SLC19A1: variants seen among roughly 807,000 people sequenced by gnomAD.
SLC19A1 encodes the protein solute carrier family 19 member 1.
A neutral mutation model predicts 35.3 loss-of-function variants in SLC19A1; 37 were observed. The ratio of observed to expected loss-of-function variants is 1.05; its 90% CI spans 0.81 to 1.38. The LOEUF (loss-of-function observed/expected upper bound fraction) is 1.38, where lower values mean the gene tolerates loss of function less well. Ranked by LOEUF, SLC19A1 falls within the 40% of genes most tolerant of loss-of-function variation. The probability of loss-of-function intolerance (pLI) is 0.00; values close to 1 mark genes in which losing one functional copy is unlikely to be tolerated. For synonymous variants in SLC19A1, 460 were observed against 398.5 expected, an observed-to-expected ratio of 1.15 and a Z score of -1.84; for missense variants, 831 against 826.9, an observed-to-expected ratio of 1.00 and a Z score of -0.06.
chr21:45,541,525 G>C (rs2078303120), intron 1 of SLC19A1, among the ~76,000 whole-genome samples: 1 of 152,272 alleles, frequency 6.6e-6, no homozygotes, highest in African/African-American at 2.4e-5. Context: ...AGGCAGGCCA[G>C]ACTCCCCAGG....
At chr21:45,520,019 A>G (rs2077391434) in intron 5 of SLC19A1, among the ~76,000 whole-genome samples, 1 of 152,212 alleles carries the variant, frequency 6.6e-6, no homozygotes. Context: ...TTCCAATCAC[A>G]ACAGAATCAA....
chr21:45,560,654 G>C (rs1461372450), intron 1 of SLC19A1, among the ~76,000 whole-genome samples: 4 of 152,272 alleles, frequency 2.6e-5, no homozygotes, highest in Non-Finnish European at 4.4e-5. Context: ...GCGGAGGTTG[G>C]AGTTGGGAAT....
chr21:45,507,761 CTG>C (rs2037310646), downstream of SLC19A1, among the ~76,000 whole-genome samples: 2 of 152,344 alleles, frequency 1.3e-5, no homozygotes, highest in South Asian at 4.1e-4. Flanking sequence ...CCCACTACCT[CTG>C]TCTCAGCGCT....
chr21:45,535,118 C>T (rs1057024781), intron 2 of SLC19A1, among the ~76,000 whole-genome samples: 7 of 152,120 alleles, frequency 4.6e-5, no homozygotes, highest in Non-Finnish European at 8.8e-5. Flanking sequence ...TGGCTGGGGA[C>T]GGGGCATGGG....
intron 5 of SLC19A1, among the ~76,000 whole-genome samples, chr21:45,518,816 AGAG>A (rs2077351514): frequency 6.6e-6 from 1 of 152,218 alleles, no homozygotes; most frequent in Admixed American, 6.5e-5. Flanking sequence ...AGAAAAACTA[AGAG>A]AAGAAATTTG....
intron 1 of SLC19A1, among the ~76,000 whole-genome samples, chr21:45,560,131 C>A (rs1345663280): frequency 6.6e-6 from 1 of 152,004 alleles, no homozygotes; most frequent in South Asian, 2.1e-4. Context: ...ACTCATGGAG[C>A]ATAAACCGTG....
rs73907600 is a variant in SLC19A1 at position 45,538,197 on chromosome 21, C to T, written c.-49-189G>A. ...GGAGCCACCCACACCTGAGCTGCTC[C>T]GGAGTCCCCCAGGCCAGGCTGTCAC... is the stretch of plus-strand genomic sequence containing the variant. On this transcript the variant is annotated intron_variant, in intron 1 of 5. Transcript: ENST00000311124. 4.7e-3 allele frequency among the ~76,000 whole-genome samples: 712 copies of T among 152,322 alleles called. 3 individuals are homozygous for T. Among genetic ancestry groups the T allele is most frequent in the African/African-American group, 0.017 (686 of 41,566 alleles).
chr21:45,525,874 G>C lies in SLC19A1; in HGVS notation c.1236C>G (p.Thr412=). ...VNTFFATIVK[T]IITFIVSDVR... ...CGTCCGAGACAATGAAAGTGATGAT[G>C]GTCTTGACGATGGTGGCAAAGAACG... Residue 412 remains threonine (T), a synonymous_variant, in exon 5 of 6, where the codon ACC becomes ACG. Coordinates refer to ENST00000311124, the MANE Select transcript of SLC19A1 (RefSeq NM_194255.4). 6.2e-7 allele frequency: 1 copy of C among 1,613,654 alleles called. No individual in the cohort carries two copies. Among genetic ancestry groups the C allele is most frequent in the Non-Finnish European group, 8.5e-7 (1 of 1,179,978 alleles).
At position 45,533,294 on chromosome 21, in the gene SLC19A1, CG is replaced by C. The variant is rs2146381073; in HGVS notation, c.190-1147del. On this transcript the variant is annotated intron_variant, in intron 2 of 5. Transcript: ENST00000311124. This position sits in a 1 kb window ranked among gnomAD's most constrained non-coding sequence, Gnocchi z 4.5. ...TTCCATGGGAACGTGGAGCTGGGCA[CG>C]GGGCTGGGGGTGCTACCTCCTACAG... is the stretch of plus-strand genomic sequence containing the variant. Among the ~76,000 whole-genome samples, 1 of 151,918 alleles carries C rather than the reference CG, an allele frequency of 6.6e-6. No homozygotes were observed. Among genetic ancestry groups the C allele is most frequent in the South Asian group, 2.1e-4 (1 of 4,830 alleles).
chr21:45,544,713 G>C (rs2078395116), upstream of SLC19A1, among the ~76,000 whole-genome samples: 1 of 152,158 alleles, frequency 6.6e-6, no homozygotes, highest in African/African-American at 2.4e-5. Context: ...GCCATATACA[G>C]TGATGTCTGG....
Position 45,516,138 on chromosome 21 carries a change from G to C in SLC19A1, c.1296C>G (p.Phe432Leu), listed in dbSNP as rs768029902. Residue 432 changes from phenylalanine (F) to leucine (L), a missense_variant and splice_region_variant, in exon 6 of 6, where the codon TTC (phenylalanine) becomes TTG (leucine). Phe to Leu is a conservative substitution (Grantham distance 22). Transcript: ENST00000311124. ...TCAGGAAGTACACGGAGTATAACTG[G>C]AACTGGAAAGAGAGGCCGGGTGAGG... is the stretch of plus-strand genomic sequence containing the variant. ...RGLGLPVRKQFQLYSVYFLIL... is the reference protein window; with the variant it reads ...RGLGLPVRKQLQLYSVYFLIL... The C allele has an allele frequency of 1.9e-6, 3 of 1,597,866 alleles. No homozygotes were observed. Among genetic ancestry groups the C allele is most frequent in the South Asian group, 1.1e-5 (1 of 89,870 alleles).
chr21:45,509,020 G>T (rs1471622829), downstream of SLC19A1, among the ~76,000 whole-genome samples: 1 of 152,136 alleles, frequency 6.6e-6, no homozygotes, highest in Non-Finnish European at 1.5e-5. Flanking sequence ...TTAGAAGGTC[G>T]AAGGTCGCCG....
intron 1 of SLC19A1, among the ~76,000 whole-genome samples, chr21:45,561,899 A>T (rs2078618281): frequency 6.6e-6 from 1 of 152,016 alleles, no homozygotes; most frequent in African/African-American, 2.4e-5. Context: ...TTGAGAGGCC[A>T]AGGCGGGCAG....
At chr21:45,519,365 C>G (rs1441213361) in intron 5 of SLC19A1, among the ~76,000 whole-genome samples, 1 of 152,010 alleles carries the variant, frequency 6.6e-6, no homozygotes, top group Non-Finnish European at 1.5e-5. Flanking sequence ...TATAAATGGT[C>G]TAAATACACC....
At chr21:45,561,425 G>A (rs2146520709) in intron 1 of SLC19A1, among the ~76,000 whole-genome samples, 1 of 152,300 alleles carries the variant, frequency 6.6e-6, no homozygotes, top group South Asian at 2.1e-4. Flanking sequence ...TCCCACTCCT[G>A]GCCTGGTGGG....
intron 1 of SLC19A1, among the ~76,000 whole-genome samples, chr21:45,557,774 G>A (rs980353019): frequency 4.6e-5 from 7 of 152,310 alleles, no homozygotes; most frequent in Admixed American, 3.9e-4. Context: ...AGCTTGTCCC[G>A]GCTCAGGCTG....
intron 5 of SLC19A1, 40 bp from the exon 6 acceptor site, chr21:45,516,180 G>C: frequency 6.6e-7 from 1 of 1,525,536 alleles, no homozygotes; most frequent in Non-Finnish European, 9.0e-7. Flanking sequence ...GGGAGGGCCT[G>C]GCTGGGACAC....
chr21:45,503,516 C>G (rs1041092904), intron 3 of SLC19A1, among the ~76,000 whole-genome samples: 1 of 151,582 alleles, frequency 6.6e-6, no homozygotes, highest in Non-Finnish European at 1.5e-5. Flanking sequence ...AATCATCATT[C>G]TCAGTAAACT....
intron 3 of SLC19A1, chr21:45,504,374 A>T (rs745862494): frequency 6.3e-7 from 1 of 1,592,422 alleles, no homozygotes; most frequent in Non-Finnish European, 8.6e-7. Flanking sequence ...TGTGGCTTGT[A>T]GGGGTTCAGG....
Sources: gnomAD v4.1 joint callset for allele counts (sites outside exome capture counted in the v4.1 genomes callset) on GRCh38, gnomAD v4.1.1 for gene constraint, Gnocchi (gnomAD v3.1) non-coding constraint, MANE v1.5 for transcripts, NCBI Gene and HGNC (gene_info 2026-07-23, HGNC 2026-07-21) for gene names.